FAAH: variants seen among roughly 807,000 people sequenced by gnomAD.
FAAH encodes fatty acid amide hydrolase, also known as fatty-acid amide hydrolase 1.
A neutral mutation model predicts 69.7 loss-of-function variants in FAAH; 63 were observed. The ratio of observed to expected loss-of-function variants is 0.90; its 90% CI spans 0.74 to 1.12. The LOEUF (loss-of-function observed/expected upper bound fraction) is 1.12, where lower values mean the gene tolerates loss of function less well. FAAH is among the 50% of genes most tolerant of loss of function. The pLI is 0.00. For missense variants in FAAH, 680 were observed against 755.0 expected, an observed-to-expected ratio of 0.90 and a Z score of 1.16; for synonymous variants, 305 against 324.2, an observed-to-expected ratio of 0.94 and a Z score of 0.64.
chr1:46,413,088 C>T lies in FAAH; in HGVS notation c.1479C>T (p.Tyr493=), dbSNP rs1419150894. Residue 493 remains tyrosine (Y), a synonymous_variant, in exon 14 of 15, where the codon TAC becomes TAT. Coordinates refer to ENST00000243167, the MANE Select transcript of FAAH (RefSeq NM_001441.3). The part of the protein sequence containing the change: ...APGRATGAVS[Y]TMLYNCLDFP... ...AATGTGTTCCAGGGGCCGTCAGCTA[C>T]ACTATGCTGTACAACTGCCTGGACT... The T allele has an allele frequency of 1.2e-6, 2 of 1,614,172 alleles. No individual in the cohort carries two copies. Among genetic ancestry groups the T allele is most frequent in the East Asian group, 4.5e-5 (2 of 44,880 alleles).
intron 1 of FAAH, among the ~76,000 whole-genome samples, chr1:46,401,429 G>A (rs527761256): frequency 3.3e-5 from 5 of 152,130 alleles, no homozygotes; most frequent in African/African-American, 1.2e-4. Context: ...TCCGGACACA[G>A]AATGAATGTG....
intron 1 of FAAH, among the ~76,000 whole-genome samples, chr1:46,400,119 T>G (rs1664669797): frequency 7.2e-6 from 1 of 138,492 alleles, no homozygotes; most frequent in African/African-American, 2.8e-5. Context: ...CTCCTGACAC[T>G]GAGGACATCA....
chr1:46,403,513 G>T (rs1664740369), intron 2 of FAAH, among the ~76,000 whole-genome samples: 2 of 152,196 alleles, frequency 1.3e-5, no homozygotes, highest in Admixed American at 6.5e-5. Context: ...GCCCTCTTGT[G>T]TCCCCAGCTC....
At chr1:46,396,311 C>G (rs550262841) in intron 1 of FAAH, among the ~76,000 whole-genome samples, 1 of 152,296 alleles carries the variant, frequency 6.6e-6, no homozygotes, top group Admixed American at 6.5e-5. Context: ...AACGTAGGAT[C>G]GGGTTTTACA....
rs146965747 is a variant in FAAH at position 46,405,698 on chromosome 1, C to A, written c.689C>A (p.Ser230Tyr). 6.2e-7 allele frequency: 1 copy of A among 1,613,510 alleles called. No homozygotes were observed. Among genetic ancestry groups the A allele is most frequent in the Non-Finnish European group, 8.5e-7 (1 of 1,180,022 alleles). The change falls in exon 5 of 15, where the codon TCC becomes TAC. Residue 230 changes from serine (S) to tyrosine (Y), a missense_variant. Physicochemically the swap from Ser to Tyr is moderately radical, Grantham distance 144 (BLOSUM62 -2). Transcript: ENST00000243167. The surrounding 1 kb of genome is among the most constrained non-coding windows in gnomAD (Gnocchi z 4.1). ...GGGGCCCTCATCGGGTCTGGAGGCT[C>A]CCCCCTGGGCTTAGGCACTGATATC... is the stretch of plus-strand genomic sequence containing the variant. ...GEGALIGSGG[S>Y]PLGLGTDIGG...
chr1:46,395,212 C>T (rs1361403456), intron 1 of FAAH, among the ~76,000 whole-genome samples: 1 of 152,212 alleles, frequency 6.6e-6, no homozygotes, highest in African/African-American at 2.4e-5. Flanking sequence ...AAGTGCTGGG[C>T]GTGAGCCACC....
At chr1:46,407,131 C>A (rs1664814787) in intron 7 of FAAH, among the ~76,000 whole-genome samples, 1 of 151,914 alleles carries the variant, frequency 6.6e-6, no homozygotes, top group African/African-American at 2.4e-5. Context: ...GCGTGGTGTG[C>A]TGCTCCCCAA....
rs80086752 is a variant in FAAH, at chr1:46,411,916, G to A, written c.1357-227G>A. On this transcript the variant is annotated intron_variant, in intron 12 of 14. Transcript: ENST00000243167. This position sits in a 1 kb window ranked among gnomAD's most constrained non-coding sequence, Gnocchi z 4.8. ...TCTGGAGCTGCCTTTGTGTGGCTCC[G>A]CCTCAGCGGGAAGAGGTGTATCCAC... 2.0e-3 allele frequency among the ~76,000 whole-genome samples: 299 copies of A among 152,350 alleles called. 5 individuals are homozygous for A. The Middle Eastern group carries it at 0.037, about 19-fold the overall frequency.
At chr1:46,397,331 C>G (rs1419238154) in intron 1 of FAAH, among the ~76,000 whole-genome samples, 1 of 152,234 alleles carries the variant, frequency 6.6e-6, no homozygotes, top group Non-Finnish European at 1.5e-5. Flanking sequence ...ACAGCAGCAT[C>G]TATATGGTTT....
Position 46,410,905 on chromosome 1 carries a change from G to A in FAAH, c.1316+51G>A, listed in dbSNP as rs1664901374. ...CCGGCCCCTGCCTGTCCTGATCCGA[G>A]TCTGGGTCTGGGTAGTTTCTGACAG... is the stretch of plus-strand genomic sequence containing the variant. On this transcript the variant is annotated intron_variant, in intron 11 of 14. Coordinates refer to ENST00000243167, the MANE Select transcript of FAAH (RefSeq NM_001441.3). This position sits in a 1 kb window ranked among gnomAD's most constrained non-coding sequence, Gnocchi z 4.9. 1.2e-6 allele frequency: 2 copies of A among 1,606,430 alleles called. No individual in the cohort carries two copies. Among genetic ancestry groups the A allele is most frequent in the African/African-American group, 1.3e-5 (1 of 74,782 alleles).
Position 46,413,065 on chromosome 1 carries a change from T to C in FAAH, c.1466-10T>C. ...CAGGGCCTGCTGCAGCTGCCTGTAA[T>C]GTGTTCCAGGGGCCGTCAGCTACAC... is the stretch of plus-strand genomic sequence containing the variant. On this transcript the variant is annotated splice_polypyrimidine_tract_variant and intron_variant, in intron 13 of 14. Coordinates refer to ENST00000243167, the MANE Select transcript of FAAH (RefSeq NM_001441.3). 6.2e-7 allele frequency: 1 copy of C among 1,614,008 alleles called. No homozygotes were observed. Among genetic ancestry groups the C allele is most frequent in the Non-Finnish European group, 8.5e-7 (1 of 1,179,942 alleles).
In FAAH at chr1:46,405,485, T is replaced by C. The variant is rs199557122; in HGVS notation, c.558T>C (p.Asn186=). The change falls in exon 4 of 15, where the codon AAT becomes AAC. Residue 186 remains asparagine, a synonymous_variant. Transcript: ENST00000243167. This position sits in a 1 kb window ranked among gnomAD's most constrained non-coding sequence, Gnocchi z 4.1. ...GTGCCGTGCCCTTCGTGCACACCAA[T>C]GTTCCACAGTCCATGTTCAGGTTGG... ...LQGAVPFVHT[N]VPQSMFSYDC... is the part of the protein sequence containing the mutation. 4.4e-6 allele frequency: 7 copies of C among 1,606,972 alleles called. No homozygotes were observed. Among genetic ancestry groups the C allele is most frequent in the Non-Finnish European group, 5.9e-6 (7 of 1,177,482 alleles).
rs1238245401 is a variant in FAAH at position 46,405,797 on chromosome 1, A to G, written c.785+3A>G. 6.2e-7 allele frequency: 1 copy of G among 1,613,142 alleles called. No individual in the cohort carries two copies. The highest frequency in any genetic ancestry group is 8.5e-7 in the Non-Finnish European group (1 of 1,179,958). ...AAGCCCACAGGGAACCGCCTCAGGT[A>G]AGGTGGGTGGAGGGCGCTTCTGGGC... On this transcript the variant is annotated splice_donor_region_variant and intron_variant, in intron 5 of 14. Transcript: ENST00000243167. This position sits in a 1 kb window ranked among gnomAD's most constrained non-coding sequence, Gnocchi z 4.1.
At position 46,394,408 on chromosome 1, in the gene FAAH, CT is replaced by C; in HGVS notation, c.61del (p.Cys21AlafsTer55). On this transcript the variant is annotated frameshift_variant, in exon 1 of 15. Coordinates refer to ENST00000243167, the MANE Select transcript of FAAH (RefSeq NM_001441.3). LOFTEE classifies it high-confidence loss of function. ...GCGCCTCCGGGGTCGCCCTGGCCTG[CT>C]GCTTCGTGGCGGCGGCCGTGGCCCT... ...PGASGVALACCFVAAAVALRW... is the reference protein window; with the variant it reads ...PGASGVALACXFVAAAVALRW... The C allele has an allele frequency of 6.7e-7, 1 of 1,496,732 alleles. No individual in the cohort carries two copies. The highest frequency in any genetic ancestry group is 8.9e-7 in the Non-Finnish European group (1 of 1,127,332). 92.7% of individuals were successfully genotyped at this position (1,496,732 alleles called of 1,614,324 possible).
chr1:46,410,624 A>G lies in FAAH; in HGVS notation c.1275+127A>G. The G allele has an allele frequency of 9.3e-7, 1 of 1,079,950 alleles. No individual in the cohort carries two copies. The highest frequency in any genetic ancestry group is 1.4e-6 in the Non-Finnish European group (1 of 703,862). 66.9% of individuals were successfully genotyped at this position (1,079,950 alleles called of 1,614,324 possible). A position where few individuals can be genotyped will look rare whatever the true frequency, so the allele number is the denominator to read the frequency against. On this transcript the variant is annotated intron_variant, in intron 10 of 14. Coordinates refer to ENST00000243167, the MANE Select transcript of FAAH (RefSeq NM_001441.3). The surrounding 1 kb of genome is among the most constrained non-coding windows in gnomAD (Gnocchi z 4.9). ...GCAGGCATGGCCTCCTCTTCTCTCC[A>G]GTCCCCACCCAGACTGCTCTCCTCC...
intron 6 of FAAH, 59 bp from the exon 7 acceptor site, chr1:46,406,185 T>C (rs952595571): frequency 1.7e-5 from 28 of 1,613,822 alleles, no homozygotes; most frequent in Non-Finnish European, 2.3e-5. Context: ...CCCAGGCTGC[T>C]CTAGGTCTGG....
intron 7 of FAAH, among the ~76,000 whole-genome samples, chr1:46,407,405 G>C (rs1245559068): frequency 6.6e-6 from 1 of 152,132 alleles, no homozygotes; most frequent in East Asian, 1.9e-4. Flanking sequence ...TTTGAGGCGA[G>C]AGGTGTCAAC....
In FAAH at chr1:46,413,772, C is replaced by T; in HGVS notation, c.*197C>T. 1.4e-6 allele frequency: 1 copy of T among 704,932 alleles called. No homozygotes were observed. The highest frequency in any genetic ancestry group is 2.4e-6 in the Non-Finnish European group (1 of 419,792). 43.7% of individuals were successfully genotyped at this position (704,932 alleles called of 1,614,324 possible). ...CCCTGCTCTGGTCCCCTCTCTTCGT[C>T]CTGATCCCTCCACCCCCATGTGGCA... On this transcript the variant is annotated 3_prime_UTR_variant, in exon 15 of 15. Transcript: ENST00000243167.
rs200440468 is a variant in FAAH at position 46,402,195 on chromosome 1, T to G, written c.300T>G (p.Tyr100Ter). ...CCCCTGAGGCCGTGCTCTTCACCTA[T>G]GTGGGAAAGGTAAGGCCAGCCAAGG... ...ELAPEAVLFT[Y>*]VGKAWEVNKG... Residue 100 changes from tyrosine to a stop codon, truncating the protein, a stop_gained, in exon 2 of 15, where the codon TAT becomes TAG. Transcript: ENST00000243167. LOFTEE classifies it high-confidence loss of function. 1.2e-6 allele frequency: 2 copies of G among 1,602,460 alleles called. No individual in the cohort carries two copies. The highest frequency in any genetic ancestry group is 1.7e-5 in the Admixed American group (1 of 58,670).
Sources: allele counts gnomAD v4.1 joint callset (sites outside exome capture counted in the v4.1 genomes callset), GRCh38; gene constraint gnomAD v4.1.1; non-coding constraint Gnocchi (gnomAD v3.1); transcripts MANE v1.5; gene names NCBI Gene and HGNC (gene_info 2026-07-23, HGNC 2026-07-21).